ZDHHC11B: variants seen among roughly 807,000 people sequenced by gnomAD.
ZDHHC11B encodes zDHHC palmitoyltransferase 11B (putative), also known as probable palmitoyltransferase ZDHHC11B.
A neutral mutation model predicts 42.3 loss-of-function variants in ZDHHC11B; 17 were observed. The observed-to-expected ratio is 0.40, with a 90% CI of 0.27 to 0.60. The LOEUF (loss-of-function observed/expected upper bound fraction) is 0.60. Ranked by LOEUF, ZDHHC11B falls within the 20% of genes least tolerant of loss-of-function variation. The pLI, the probability that ZDHHC11B is intolerant of heterozygous loss-of-function variation, is 0.41. For synonymous variants in ZDHHC11B, 123 were observed against 193.5 expected (o/e 0.64, Z 3.02); for missense variants, 262 against 463.2 (o/e 0.57, Z 3.99).
At chr5:721,314 C>T (rs1742168686) in intron 12 of ZDHHC11B, among the ~76,000 whole-genome samples, 1 of 150,914 alleles carries the variant, frequency 6.6e-6, no homozygotes, top group African/African-American at 2.4e-5. Flanking sequence ...ATACAAAATG[C>T]AAAAAGCTAA....
chr5:767,309 C>A, intron 3 of ZDHHC11B, 83 bp downstream of exon 3: 1 of 1,474,688 alleles, frequency 6.8e-7, no homozygotes, highest in South Asian at 1.2e-5. Flanking sequence ...TCCCCACCCA[C>A]ACACATGTGG....
At position 730,474 on chromosome 5, in the gene ZDHHC11B, G is replaced by T; in HGVS notation, c.1024-6C>A. 3 of 1,558,308 alleles carry T rather than the reference G, an allele frequency of 1.9e-6. No homozygotes were observed. Among genetic ancestry groups the T allele is most frequent in the Non-Finnish European group, 2.6e-6 (3 of 1,162,142 alleles). On this transcript the variant is annotated splice_polypyrimidine_tract_variant and splice_region_variant and intron_variant, in intron 11 of 13. Transcript: ENST00000508859. The stretch of plus-strand genomic sequence containing the variant: ...CTCGGGGCATCATCTGCTTCCTGTG[G>T]GGGGAAGGGAAGCAAAATTCTTAGG...
chr5:721,139 TTA>T (rs1742150037), intron 12 of ZDHHC11B, among the ~76,000 whole-genome samples: 1 of 151,536 alleles, frequency 6.6e-6, no homozygotes, highest in African/African-American at 2.4e-5. Flanking sequence ...AACTAGGGTG[TTA>T]TACATTTAAG....
intron 1 of ZDHHC11B, among the ~76,000 whole-genome samples, chr5:779,749 A>G (rs1736824906): frequency 1.3e-5 from 2 of 152,002 alleles, no homozygotes; most frequent in African/African-American, 4.8e-5. Flanking sequence ...ACGGACACAG[A>G]AAGCCTTGCC....
At position 733,825 on chromosome 5, in the gene ZDHHC11B, C is replaced by T; in HGVS notation, c.950G>A (p.Ser317Asn). 6.2e-7 allele frequency: 1 copy of T among 1,608,130 alleles called. No individual in the cohort carries two copies. Among genetic ancestry groups the T allele is most frequent in the Non-Finnish European group, 8.5e-7 (1 of 1,178,906 alleles). The change falls in exon 11 of 14, where the codon AGC (serine) becomes AAC (asparagine). Residue 317 changes from serine to asparagine, a missense_variant. This residue lies in a region of ZDHHC11B where 75 missense variants were observed against 70.1 expected (regional missense o/e 1.07). Transcript: ENST00000508859. ...TGGGCATTTGTAAATCAGCAGGGAG[C>T]TCTTGGCCTTGACTCTGGTGGGACA... Reference protein sequence around the residue: ...GSSAQGVKAKSSLLIYKCPCH... With the variant: ...GSSAQGVKAKNSLLIYKCPCH...
chr5:763,385 AAAG>A lies in ZDHHC11B; in HGVS notation c.222+3310_222+3312del, dbSNP rs200099410. Among the ~76,000 whole-genome samples, 1,449 of 149,686 alleles carry A rather than the reference AAAG, an allele frequency of 9.7e-3. 48 individuals are homozygous for A. Among genetic ancestry groups the A allele is most frequent in the African/African-American group, 0.023 (931 of 40,372 alleles). ...ACTCCCATCTCGGGAAAAAAAAAAA[AAAG>A]AAGAAGAAGAAGAAAAATACAACCT... On this transcript the variant is annotated intron_variant, in intron 4 of 13. Transcript: ENST00000508859.
In ZDHHC11B at chr5:772,341, G is replaced by T. The variant is rs537402580; in HGVS notation, c.-229-3411C>A. Among the ~76,000 whole-genome samples the T allele has an allele frequency of 3.4e-5, 5 of 146,706 alleles. No homozygotes were observed. The South Asian group carries it at 1.1e-3, about 32-fold the overall frequency. ...GATGGCACGCATGAGAGCACGGTGG[G>T]GGCCGTGGGGGAGAGGGCAGAAAGG... On this transcript the variant is annotated intron_variant, in intron 1 of 13. Transcript: ENST00000508859.
chr5:757,306 C>A (rs190147908), intron 4 of ZDHHC11B, among the ~76,000 whole-genome samples: 3 of 151,908 alleles, frequency 2.0e-5, no homozygotes, highest in Non-Finnish European at 2.9e-5. Flanking sequence ...TCCTCCTTGG[C>A]CCCAGGGGTG....
intron 6 of ZDHHC11B, among the ~76,000 whole-genome samples, chr5:754,476 C>CAT (rs1746305383): frequency 1.6e-5 from 2 of 123,860 alleles, no homozygotes; most frequent in African/African-American, 5.5e-5. Flanking sequence ...GAGCCTCCAC[C>CAT]GTGCTCAGGG....
rs1444491332 is a variant in ZDHHC11B at position 780,750 on chromosome 5, A to G, written c.-230+3918T>C. On this transcript the variant is annotated intron_variant, in intron 1 of 13. Coordinates refer to ENST00000508859, the MANE Select transcript of ZDHHC11B (RefSeq NM_001351303.2). ...GCAGGAACAAGCCTGGTGGGAGGTGAGGCTGAGATGAGCTTCACCCCAGTG... is the reference window on the plus strand; with the variant it reads ...GCAGGAACAAGCCTGGTGGGAGGTGGGGCTGAGATGAGCTTCACCCCAGTG... Among the ~76,000 whole-genome samples, 56 of 151,472 alleles carry G rather than the reference A, an allele frequency of 3.7e-4. No homozygotes were observed. The East Asian group carries it at 7.2e-3, about 19-fold the overall frequency.
intron 7 of ZDHHC11B, among the ~76,000 whole-genome samples, chr5:750,468 TCGTGG>T (rs1209803830): frequency 2.3e-5 from 3 of 132,728 alleles, no homozygotes; most frequent in African/African-American, 7.5e-5. Context: ...ACAAGCACAC[TCGTGG>T]CTAGATTTGG....
intron 1 of ZDHHC11B, among the ~76,000 whole-genome samples, chr5:771,739 C>A (rs1365110720): frequency 7.3e-5 from 11 of 151,548 alleles, no homozygotes; most frequent in Non-Finnish European, 1.5e-4. Flanking sequence ...GCACCCAGAA[C>A]AGTGGTGGGC....
chr5:750,047 C>T (rs1306306693), intron 7 of ZDHHC11B, among the ~76,000 whole-genome samples: 17 of 107,808 alleles, frequency 1.6e-4, no homozygotes, highest in African/African-American at 3.2e-4. Context: ...GTGTTGGCTC[C>T]GGAATGTTCT....
intron 13 of ZDHHC11B, among the ~76,000 whole-genome samples, chr5:713,767 T>TC (rs1449993710): frequency 6.6e-6 from 1 of 152,088 alleles, no homozygotes; most frequent in Non-Finnish European, 1.5e-5. Flanking sequence ...AAATGACTGA[T>TC]CCCCCCTGAT....
rs535542967 is a variant in ZDHHC11B at position 770,564 on chromosome 5, G to A, written c.-229-1634C>T. ...GCTCTGGAGGACACCTCGGGATCAC[G>A]CACTCCCCAGGGTCTGTGACGTGCT... is the stretch of plus-strand genomic sequence containing the variant. On this transcript the variant is annotated intron_variant, in intron 1 of 13. Coordinates refer to ENST00000508859, the MANE Select transcript of ZDHHC11B (RefSeq NM_001351303.2). Among the ~76,000 whole-genome samples the A allele has an allele frequency of 7.8e-3, 1,161 of 149,172 alleles. 2 individuals are homozygous for A. The highest frequency in any genetic ancestry group is 0.024 in the African/African-American group (952 of 40,422).
intron 1 of ZDHHC11B, among the ~76,000 whole-genome samples, chr5:783,486 G>A (rs1737007732): frequency 6.6e-6 from 1 of 152,140 alleles, no homozygotes; most frequent in Non-Finnish European, 1.5e-5. Context: ...CAGGCGGGGA[G>A]GGGTGGCCGG....
At chr5:758,804 C>G (rs1299089031) in intron 4 of ZDHHC11B, among the ~76,000 whole-genome samples, 1 of 151,924 alleles carries the variant, frequency 6.6e-6, no homozygotes. Context: ...GTCCATTGGC[C>G]GCACTTTGGC....
rs549223606 is a variant in ZDHHC11B, at chr5:757,347, C to A, written c.223-1203G>T. Among the ~76,000 whole-genome samples, 5 of 152,044 alleles carry A rather than the reference C, an allele frequency of 3.3e-5. 1 individual carries two copies. In the East Asian group the frequency reaches 9.7e-4, roughly 29 times the overall value. On this transcript the variant is annotated intron_variant, in intron 4 of 13. Transcript: ENST00000508859. ...GAAGGTGCTGGCCATGTGCAAAAAGCCACGTAGGGATTTTAGCAGAAGGCT... is the reference window on the plus strand; with the variant it reads ...GAAGGTGCTGGCCATGTGCAAAAAGACACGTAGGGATTTTAGCAGAAGGCT...
intron 4 of ZDHHC11B, among the ~76,000 whole-genome samples, chr5:764,113 C>G (rs1734969892): frequency 6.6e-6 from 1 of 151,968 alleles, no homozygotes. Context: ...GCCCCTACAC[C>G]TCCCTGCCTG....
Sources: gnomAD v4.1 joint callset for allele counts (sites outside exome capture counted in the v4.1 genomes callset) on GRCh38, gnomAD v4.1.1 for gene constraint, gnomAD v4.1.1 regional missense constraint, MANE v1.5 for transcripts, NCBI Gene and HGNC (gene_info 2026-07-23, HGNC 2026-07-21) for gene names.